Variants in GATAD2A observed in about 807,000 individuals in gnomAD.
GATAD2A encodes the protein GATA zinc finger domain containing 2A.
In GATAD2A, 12 loss-of-function variants were observed where a neutral mutation model predicts 68.5. That is an observed-to-expected ratio of 0.18 (90% CI 0.11 to 0.28). The LOEUF (loss-of-function observed/expected upper bound fraction) is 0.28. GATAD2A is among the 10% of genes least tolerant of loss of function. The probability of loss-of-function intolerance (pLI) is 1.00; values close to 1 mark genes in which losing one functional copy is unlikely to be tolerated. For missense variants in GATAD2A, 755 were observed against 868.5 expected, an observed-to-expected ratio of 0.87 and a Z score of 1.64; for synonymous variants, 410 against 375.3, an observed-to-expected ratio of 1.09 and a Z score of -1.07.
At chr19:19,475,298 A>G (rs2058600084) in intron 2 of GATAD2A, among the ~76,000 whole-genome samples, 1 of 152,250 alleles carries the variant, frequency 6.6e-6, no homozygotes, top group African/African-American at 2.4e-5. Context: ...TGGCCCTCAC[A>G]CTGGCTGCCT....
At chr19:19,466,769 C>T (rs1022569239) in intron 2 of GATAD2A, among the ~76,000 whole-genome samples, 1 of 152,216 alleles carries the variant, frequency 6.6e-6, no homozygotes, top group African/African-American at 2.4e-5. Context: ...CTGCTGTCTG[C>T]AGTCCCCATT....
chr19:19,475,088 C>T (rs902700351), intron 2 of GATAD2A, among the ~76,000 whole-genome samples: 7 of 152,238 alleles, frequency 4.6e-5, no homozygotes, highest in Non-Finnish European at 1.0e-4. Context: ...GAGGGGTTGT[C>T]TTCACAGCGA....
chr19:19,426,257 G>C (rs1325433958), intron 1 of GATAD2A, among the ~76,000 whole-genome samples: 1 of 152,182 alleles, frequency 6.6e-6, no homozygotes, highest in Non-Finnish European at 1.5e-5. Flanking sequence ...GCTCCAGGAA[G>C]TGTATTTGGG....
chr19:19,388,786 G>GAA (rs1299473436), intron 1 of GATAD2A, among the ~76,000 whole-genome samples: 1 of 151,596 alleles, frequency 6.6e-6, no homozygotes, highest in African/African-American at 2.4e-5. Context: ...TCCCCGTGCT[G>GAA]AAAAAAAATC....
intron 1 of GATAD2A, among the ~76,000 whole-genome samples, chr19:19,447,397 TATC>T (rs1297460184): frequency 1.3e-5 from 2 of 152,134 alleles, no homozygotes; most frequent in African/African-American, 2.4e-5. Context: ...TATTATTAAG[TATC>T]ATGTTTTACC....
exon 1 of GATAD2A, chr19:19,385,899 C>T (rs2048379797): frequency 1.3e-5 from 2 of 150,378 alleles, no homozygotes; most frequent in South Asian, 4.1e-4. Flanking sequence ...GCGGCGGCTC[C>T]TCCCGCCCAG....
rs868577943 is a variant in GATAD2A at position 19,414,716 on chromosome 19, G to A, written c.-7+8697G>A. On this transcript the variant is annotated intron_variant, in intron 1 of 11. Transcript: ENST00000683918. ...CACGCCCAGCTCTTTTTTTTTTTTT[G>A]TAGAGATGGGGTTTTACCATGTTGG... 3.5e-3 allele frequency among the ~76,000 whole-genome samples: 448 copies of A among 129,568 alleles called. 6 individuals carry two copies. The highest frequency in any genetic ancestry group is 0.013 in the African/African-American group (439 of 34,344). The allele number at this position is 129,568 out of a possible 152,430, so 85.0% of individuals were successfully genotyped here. A position where few individuals can be genotyped will look rare whatever the true frequency, so the allele number is the denominator to read the frequency against.
intron 1 of GATAD2A, among the ~76,000 whole-genome samples, chr19:19,422,963 G>A (rs1406618105): frequency 6.6e-6 from 1 of 152,026 alleles, no homozygotes; most frequent in African/African-American, 2.4e-5. Context: ...TGCCCGCCTC[G>A]GCCTCCTGAA....
At chr19:19,442,559 G>C (rs895453740) in intron 1 of GATAD2A, among the ~76,000 whole-genome samples, 5 of 152,058 alleles carry the variant, frequency 3.3e-5, no homozygotes, top group African/African-American at 1.2e-4. Context: ...CCTGGGAGGC[G>C]GAAAGTTGCA....
intron 1 of GATAD2A, among the ~76,000 whole-genome samples, chr19:19,397,055 C>T (rs1311660967): frequency 6.6e-6 from 1 of 152,150 alleles, no homozygotes; most frequent in Admixed American, 6.6e-5. Context: ...ATAGCATGGG[C>T]ACAGGCAGAG....
intron 1 of GATAD2A, 34 bp from the exon 2 acceptor site, chr19:19,465,306 A>G (rs2057782475): frequency 6.5e-7 from 1 of 1,541,742 alleles, no homozygotes; most frequent in South Asian, 1.1e-5. Context: ...CATTGCACCC[A>G]GTTAAAATGT....
chr19:19,411,786 C>T (rs761485565), intron 1 of GATAD2A, among the ~76,000 whole-genome samples: 7 of 152,168 alleles, frequency 4.6e-5, no homozygotes, highest in East Asian at 1.9e-4. Flanking sequence ...TCTCCATTTA[C>T]CTCAGAGCCA....
At chr19:19,433,244 A>G (rs1168874308) in intron 1 of GATAD2A, among the ~76,000 whole-genome samples, 1 of 152,166 alleles carries the variant, frequency 6.6e-6, no homozygotes, top group Non-Finnish European at 1.5e-5. Flanking sequence ...AGAGTAGGGT[A>G]GTTGGATCTT....
chr19:19,386,718 A>T lies in GATAD2A; in HGVS notation c.-7+580A>T, dbSNP rs1237355495. ...CTCTCTAGGCGACCCTGCTTCTCTG[A>T]GGGGACAACCCCTCTTATCAGGGGC... On this transcript the variant is annotated intron_variant, in intron 1 of 11. Transcript: ENST00000360315. Among the ~76,000 whole-genome samples the T allele has an allele frequency of 2.6e-5, 4 of 151,352 alleles. No homozygotes were observed. The East Asian group carries it at 7.9e-4, about 30-fold the overall frequency.
intron 1 of GATAD2A, among the ~76,000 whole-genome samples, chr19:19,443,039 G>A (rs1380393998): frequency 6.6e-6 from 1 of 152,102 alleles, no homozygotes; most frequent in South Asian, 2.1e-4. Context: ...TCTGCCCTGC[G>A]TGCCGTTTAA....
chr19:19,501,867 A>G (rs533144520), intron 9 of GATAD2A, 102 bp from the exon 10 acceptor site: 10 of 829,012 alleles, frequency 1.2e-5, no homozygotes, highest in Admixed American at 7.5e-5. Flanking sequence ...CTTGGCGCCT[A>G]AAGTCCCCAG....
intron 1 of GATAD2A, among the ~76,000 whole-genome samples, chr19:19,396,099 T>TTCTC: frequency 6.6e-6 from 1 of 152,068 alleles, no homozygotes; most frequent in Non-Finnish European, 1.5e-5. Flanking sequence ...GGCGGGTGGA[T>TTCTC]CGCCTGAGGT....
Position 19,502,356 on chromosome 19 carries a change from C to T in GATAD2A, c.1604C>T (p.Ser535Leu), listed in dbSNP as rs780260876. The change falls in exon 11 of 12, where the codon TCG (serine) becomes TTG (leucine). Residue 535 changes from serine (S) to leucine (L), a missense_variant. By Grantham distance (145) the Ser-to-Leu change is moderately radical. Coordinates refer to ENST00000683918, the MANE Select transcript of GATAD2A (RefSeq NM_001384528.1). ...LQASSQLSRG[S>L]ATTPRGVLHT... The stretch of plus-strand genomic sequence containing the variant: ...GCCTCCAGCCAGCTGTCCCGGGGTT[C>T]GGCCACGACGCCCCGAGGTGTCCTG... 88 of 1,612,254 alleles carry T rather than the reference C, an allele frequency of 5.5e-5. No homozygotes were observed. The highest frequency in any genetic ancestry group is 2.0e-4 in the Admixed American group (12 of 59,858).
rs372107712 is a variant in GATAD2A, at chr19:19,502,314, C to G, written c.1579-17C>G. Reference sequence around the variant, plus strand: ...CTTTTCCCTGCATGAGCCGTCACCCCCCTTTCTCCACTGCAGGCCTCCAGC... The same window carrying G: ...CTTTTCCCTGCATGAGCCGTCACCCGCCTTTCTCCACTGCAGGCCTCCAGC... On this transcript the variant is annotated splice_polypyrimidine_tract_variant and intron_variant, in intron 10 of 11. Coordinates refer to ENST00000683918, the MANE Select transcript of GATAD2A (RefSeq NM_001384528.1). The G allele has an allele frequency of 1.7e-5, 27 of 1,587,392 alleles. No individual in the cohort carries two copies. In the Admixed American group the frequency reaches 3.4e-4, roughly 20 times the overall value.
Sources: allele counts gnomAD v4.1 joint callset (sites outside exome capture counted in the v4.1 genomes callset), GRCh38; gene constraint gnomAD v4.1.1; transcripts MANE v1.5; gene names NCBI Gene and HGNC (gene_info 2026-07-23, HGNC 2026-07-21).